Variants in DNA2 observed in about 807,000 individuals in gnomAD.
DNA2 encodes the protein DNA replication ATP-dependent helicase/nuclease DNA2.
A neutral mutation model predicts 119.1 loss-of-function variants in DNA2; 101 were observed. That is an observed-to-expected ratio of 0.85 (90% CI 0.72 to 1.00). DNA2 has a LOEUF of 1.00. Ranked by LOEUF, DNA2 falls within the 50% of genes least tolerant of loss-of-function variation. The pLI is 0.00. For missense variants in DNA2, 1,121 were observed against 1,255.5 expected, an observed-to-expected ratio of 0.89 and a Z score of 1.62; for synonymous variants, 366 against 424.4, an observed-to-expected ratio of 0.86 and a Z score of 1.69.
intron 14 of DNA2, chr10:68,424,762 G>C (rs997541528): frequency 2.1e-6 from 3 of 1,431,106 alleles, no homozygotes; most frequent in South Asian, 2.3e-5. Context: ...CAGCAAATTG[G>C]CAAGGTAGTC....
At chr10:68,472,041 T>TGGGGCCCCTCACCTGAGCAGC (rs1249488660), upstream of DNA2, 1 of 1,604,190 alleles carries the variant, frequency 6.2e-7, no homozygotes, top group Non-Finnish European at 8.5e-7. Context: ...GCGTTCCACG[T>TGGGGCCCCTCACCTGAGCAGC]GGGGCCCCTC....
chr10:68,419,503 T>C (rs1211421186), intron 18 of DNA2: 4 of 513,152 alleles, frequency 7.8e-6, no homozygotes, highest in African/African-American at 3.9e-5. Flanking sequence ...AAGAAATACA[T>C]TTCACCTTCT....
intron 9 of DNA2, 72 bp from the exon 10 acceptor site, chr10:68,437,313 A>G: frequency 1.6e-6 from 2 of 1,285,874 alleles, no homozygotes; most frequent in Non-Finnish European, 2.1e-6. Flanking sequence ...GCATTTTCCT[A>G]CAACTTACTT....
chr10:68,471,755 C>A, intron 1 of DNA2, 36 bp downstream of exon 1: 2 of 1,543,432 alleles, frequency 1.3e-6, no homozygotes, highest in South Asian at 1.3e-5. Context: ...TCAAATCTCC[C>A]GCTTTGTTCC....
intron 4 of DNA2, among the ~76,000 whole-genome samples, chr10:68,459,860 C>T (rs2052232202): frequency 6.6e-6 from 1 of 152,028 alleles, no homozygotes; most frequent in African/African-American, 2.4e-5. Flanking sequence ...AACGCTGTCT[C>T]TACTAAAAAC....
At chr10:68,450,324 T>C (rs1000941360) in intron 5 of DNA2, 77 bp from the exon 6 acceptor site, 1 of 1,105,152 alleles carries the variant, frequency 9.0e-7, no homozygotes, top group Non-Finnish European at 1.3e-6. Context: ...TGACTGCCTA[T>C]TACACACAGA....
Position 68,437,119 on chromosome 10 carries a change from A to G in DNA2, c.1538T>C (p.Met513Thr). 6.2e-7 allele frequency: 1 copy of G among 1,613,970 alleles called. No homozygotes were observed. The highest frequency in any genetic ancestry group is 1.1e-5 in the South Asian group (1 of 91,082). Residue 513 changes from methionine to threonine, a missense_variant, in exon 10 of 21, where the codon ATG becomes ACG. Physicochemically the swap from Met to Thr is moderately conservative, Grantham distance 81. Transcript: ENST00000358410. ...ACTTACAATAACTCTGTCACCTGCC[A>G]TTAGATTTGTGACAGGTATGGCACC... ...KHGAIPVTNLMAGDRVIVSGE... is the reference protein window; with the variant it reads ...KHGAIPVTNLTAGDRVIVSGE...
intron 14 of DNA2, among the ~76,000 whole-genome samples, chr10:68,428,962 G>T (rs1033428560): frequency 1.6e-4 from 25 of 152,102 alleles, no homozygotes; most frequent in Admixed American, 1.2e-3. Context: ...AGGGGACACA[G>T]GCTCTCTCTA....
At position 68,459,134 on chromosome 10, in the gene DNA2, G is replaced by A. The variant is rs775240304; in HGVS notation, c.689C>T (p.Ser230Leu). ...GAGCTGCATCTGAGGGAAGTCAGTC[G>A]AAGTGTTTTTATGCATGAAATCTCC... ...WAGDFMHKNT[S>L]TDFPQMQLSL... The change falls in exon 5 of 21, where the codon TCG (serine) becomes TTG (leucine). Residue 230 changes from serine (S) to leucine (L), a missense_variant. Transcript: ENST00000358410. 7.5e-6 allele frequency: 12 copies of A among 1,599,986 alleles called. No homozygotes were observed. In the Admixed American group the frequency reaches 1.6e-4, roughly 21 times the overall value.
At chr10:68,437,715 T>C (rs1030532602) in intron 9 of DNA2, among the ~76,000 whole-genome samples, 24 of 151,994 alleles carry the variant, frequency 1.6e-4, no homozygotes, top group Non-Finnish European at 2.6e-4. Flanking sequence ...ATTTTTACAT[T>C]TTCCACAACC....
chr10:68,426,406 C>T (rs1339378401), intron 14 of DNA2, among the ~76,000 whole-genome samples: 1 of 150,788 alleles, frequency 6.6e-6, no homozygotes. Context: ...GGTATGGTGG[C>T]TCATGCCTGT....
At chr10:68,427,960 G>C (rs556169486) in intron 14 of DNA2, among the ~76,000 whole-genome samples, 1 of 148,040 alleles carries the variant, frequency 6.8e-6, no homozygotes, top group South Asian at 2.2e-4. Context: ...TTGAACCTGG[G>C]AGGCAAAGGT....
chr10:68,461,901 T>C (rs1046541422), intron 4 of DNA2, among the ~76,000 whole-genome samples: 2 of 149,760 alleles, frequency 1.3e-5, no homozygotes, highest in African/African-American at 4.9e-5. Context: ...AATTTCATCA[T>C]TGCACTCCAG....
At chr10:68,432,601 G>T in intron 10 of DNA2, 91 bp from the exon 11 acceptor site, 2 of 754,482 alleles carry the variant, frequency 2.7e-6, no homozygotes, top group Non-Finnish European at 4.5e-6. Flanking sequence ...GAATGAATGG[G>T]CCAGAATAGC....
chr10:68,466,031 T>C (rs972246316), intron 3 of DNA2, among the ~76,000 whole-genome samples: 2 of 152,180 alleles, frequency 1.3e-5, no homozygotes, highest in East Asian at 3.9e-4. Flanking sequence ...CTTTTTTTTT[T>C]CTTTTTTGAG....
At position 68,422,326 on chromosome 10, in the gene DNA2, C is replaced by T. The variant is rs760756517; in HGVS notation, c.2596G>A (p.Val866Met). 18 of 1,613,952 alleles carry T rather than the reference C, an allele frequency of 1.1e-5. No individual in the cohort carries two copies. The highest frequency in any genetic ancestry group is 2.2e-5 in the East Asian group (1 of 44,866). Residue 866 changes from valine (V) to methionine (M), a missense_variant, in exon 17 of 21, where the codon GTG (valine) becomes ATG (methionine). Val to Met is a conservative substitution (Grantham distance 21). Transcript: ENST00000358410. ...GCATAAAATTCCAGTTCCAGCTTCACATCTTTAAAGTGACGTAGGTTTATC... is the reference window on the plus strand; with the variant it reads ...GCATAAAATTCCAGTTCCAGCTTCATATCTTTAAAGTGACGTAGGTTTATC... ...AVINLRHFKD[V>M]KLELEFYADY...
chr10:68,419,840 G>A lies in DNA2; in HGVS notation c.2750C>T (p.Ala917Val). 2 of 1,613,808 alleles carry A rather than the reference G, an allele frequency of 1.2e-6. No individual in the cohort carries two copies. The highest frequency in any genetic ancestry group is 1.7e-6 in the Non-Finnish European group (2 of 1,179,826). ...GGAGGTTAGGAAAACTATGAGTTTG[G>A]CTTCTGTTACATTGCTCACACCACC... ...EKGGVSNVTE[A>V]KLIVFLTSIF... Residue 917 changes from alanine (A) to valine (V), a missense_variant, in exon 18 of 21, where the codon GCC becomes GTC. By Grantham distance (64) the Ala-to-Val change is moderately conservative. Coordinates refer to ENST00000358410, the MANE Select transcript of DNA2 (RefSeq NM_001080449.3).
At chr10:68,467,238 G>C (rs973927796) in intron 3 of DNA2, among the ~76,000 whole-genome samples, 1 of 151,806 alleles carries the variant, frequency 6.6e-6, no homozygotes, top group Non-Finnish European at 1.5e-5. Context: ...AGCCTCTCGA[G>C]TAGCTAGGAT....
intron 20 of DNA2, among the ~76,000 whole-genome samples, chr10:68,415,531 C>A (rs1217499032): frequency 1.3e-5 from 2 of 152,166 alleles, no homozygotes; most frequent in Non-Finnish European, 2.9e-5. Context: ...CTGTCTCAGC[C>A]TCCCAAAGTG....
Sources: gnomAD v4.1 joint callset for allele counts (sites outside exome capture counted in the v4.1 genomes callset) on GRCh38, gnomAD v4.1.1 for gene constraint, MANE v1.5 for transcripts, NCBI Gene and HGNC (gene_info 2026-07-23, HGNC 2026-07-21) for gene names.